DNAH10: variants seen among roughly 807,000 people sequenced by gnomAD.
DNAH10 encodes the protein dynein axonemal heavy chain 10, also known as axonemal beta dynein heavy chain 10.
DNAH10 carries 348 observed loss-of-function variants against 506.6 expected under a neutral mutation model. That is an observed-to-expected ratio of 0.69 (90% confidence interval 0.63 to 0.75). The LOEUF is 0.75. Among genes scored for constraint, DNAH10 ranks in the 30% least tolerant of loss-of-function variants. The pLI is 0.00. For synonymous variants in DNAH10, 2,059 were observed against 2,198.6 expected (o/e 0.94, Z 1.78); for missense variants, 5,179 against 5,787.1 (o/e 0.89, Z 3.41).
intron 52 of DNAH10, among the ~76,000 whole-genome samples, chr12:123,887,938 G>A (rs1302601163): frequency 6.6e-6 from 1 of 152,062 alleles, no homozygotes. Context: ...TAGAGACGGG[G>A]TTTCACCGTG....
intron 66 of DNAH10, 138 bp from the exon 67 acceptor site, chr12:123,924,140 G>C: frequency 8.2e-7 from 1 of 1,226,664 alleles, no homozygotes; most frequent in Non-Finnish European, 1.1e-6. Flanking sequence ...GGTGACGAGG[G>C]CAAGCCTGGG....
chr12:123,862,362 C>T (rs1164074424), intron 39 of DNAH10, among the ~76,000 whole-genome samples: 1 of 151,984 alleles, frequency 6.6e-6, no homozygotes, highest in Non-Finnish European at 1.5e-5. Flanking sequence ...TCTTCTTCTC[C>T]TCCTCCTCTT....
In DNAH10 at chr12:123,785,910, A is replaced by G. The variant is rs894747559; in HGVS notation, c.1395A>G (p.Arg465=). 1.2e-6 allele frequency: 2 copies of G among 1,613,398 alleles called. No individual in the cohort carries two copies. The highest frequency in any genetic ancestry group is 2.7e-5 in the African/African-American group (2 of 75,050). The change falls in exon 9 of 79, where the codon CGA becomes CGG. Residue 465 remains arginine (R), a synonymous_variant. Transcript: ENST00000673944. This position sits in a 1 kb window ranked among gnomAD's most constrained non-coding sequence, Gnocchi z 4.1. Reference sequence around the variant, plus strand: ...GGGAAATCGCTGAGAGAGTCTGCCGAGTGGTCAACCTGCGGACTTTGTTCA... The same window carrying G: ...GGGAAATCGCTGAGAGAGTCTGCCGGGTGGTCAACCTGCGGACTTTGTTCA... ...IAWEIAERVC[R]VVNLRTLFKE... is the part of the protein sequence containing the mutation.
intron 13 of DNAH10, among the ~76,000 whole-genome samples, chr12:123,797,837 A>C (rs1362384543): frequency 6.6e-6 from 1 of 152,128 alleles, no homozygotes; most frequent in African/African-American, 2.4e-5. Flanking sequence ...CCACCCATGG[A>C]TTTTTATATG....
intron 33 of DNAH10, 62 bp downstream of exon 33, chr12:123,848,157 G>A (rs1594184521): frequency 6.4e-7 from 1 of 1,554,164 alleles, no homozygotes; most frequent in East Asian, 2.3e-5. Flanking sequence ...AGCAGGACAT[G>A]GCATTTCACC....
rs1319851079 is a variant in DNAH10 at position 123,934,739 on chromosome 12, C to T, written c.13596C>T (p.Pro4532=). 3 of 1,613,912 alleles carry T rather than the reference C, an allele frequency of 1.9e-6. No individual in the cohort carries two copies. In the Admixed American group the frequency reaches 5.0e-5, roughly 27 times the overall value. ...ACCTGCCGATCCTGAAGATCATCCC[C>T]ATTGAAGCCCATCGCCTCAAGCTGC... The part of the protein sequence containing the change: ...VVDLPILKII[P]IEAHRLKLQN... Residue 4532 remains proline, a synonymous_variant, in exon 78 of 79, where the codon CCC becomes CCT. Transcript: ENST00000673944.
chr12:123,934,455 A>G, intron 77 of DNAH10, 166 bp from the exon 78 acceptor site: 1 of 833,962 alleles, frequency 1.2e-6, no homozygotes. Flanking sequence ...CACAGAGGGA[A>G]GGTGGGCAGG....
Position 123,790,003 on chromosome 12 carries a change from T to G in DNAH10, c.1697T>G (p.Val566Gly), listed in dbSNP as rs777060289. ...GGGGACCCCAAGCGCATTGATGATG[T>G]CCTATGCAGAGTGGACGGCCTAGTC... ...VTGDPKRIDD[V>G]LCRVDGLVTP... is the part of the protein sequence containing the mutation. Residue 566 changes from valine (V) to glycine (G), a missense_variant, in exon 11 of 79, where the codon GTC (valine) becomes GGC (glycine). Transcript: ENST00000673944. 1.2e-6 allele frequency: 2 copies of G among 1,614,148 alleles called. No individual in the cohort carries two copies. Among genetic ancestry groups the G allele is most frequent in the South Asian group, 2.2e-5 (2 of 91,076 alleles).
intron 24 of DNAH10, among the ~76,000 whole-genome samples, chr12:123,821,154 G>T (rs1959360249): frequency 6.6e-6 from 1 of 152,082 alleles, no homozygotes; most frequent in South Asian, 2.1e-4. Flanking sequence ...GGAGGCTGAG[G>T]CAGGAGAATC....
Position 123,813,366 on chromosome 12 carries a change from C to G in DNAH10, c.3347C>G (p.Pro1116Arg). The G allele has an allele frequency of 6.2e-7, 1 of 1,614,212 alleles. No homozygotes were observed. ...KYLQKWKRYRPLWKLDKAIVM... is the reference protein window; with the variant it reads ...KYLQKWKRYRRLWKLDKAIVM... ...CTACAAAAATGGAAGCGGTATCGAC[C>G]TCTCTGGAAATTGGACAAAGCTATT... The change falls in exon 20 of 79, where the codon CCT becomes CGT. Residue 1116 changes from proline (P) to arginine (R), a missense_variant. Physicochemically the swap from Pro to Arg is moderately radical, Grantham distance 103 (BLOSUM62 -2). Around this residue, in one of 3 missense-constraint regions of DNAH10, gnomAD observed 4,844 missense variants for 5,430.5 expected, o/e 0.89. Transcript: ENST00000673944.
chr12:123,780,626 T>A (rs1443732712), intron 5 of DNAH10, among the ~76,000 whole-genome samples: 1 of 151,722 alleles, frequency 6.6e-6, no homozygotes, highest in Non-Finnish European at 1.5e-5. Flanking sequence ...CCGGTTTGAG[T>A]GGTTTTCACT....
intron 51 of DNAH10, among the ~76,000 whole-genome samples, chr12:123,885,244 A>T (rs963598815): frequency 6.6e-6 from 1 of 152,216 alleles, no homozygotes; most frequent in Non-Finnish European, 1.5e-5. Context: ...CAATGGGTTA[A>T]AGTTATATGT....
At chr12:123,868,170 T>C (rs1951887817) in intron 43 of DNAH10, 51 bp downstream of exon 43, 7 of 1,488,810 alleles carry the variant, frequency 4.7e-6, no homozygotes, top group African/African-American at 1.4e-5. Context: ...TTTGGTTAAA[T>C]TTCTAGAGGA....
intron 26 of DNAH10, 62 bp from the exon 27 acceptor site, chr12:123,833,052 G>A: frequency 7.6e-7 from 1 of 1,309,274 alleles, no homozygotes; most frequent in Non-Finnish European, 1.1e-6. Flanking sequence ...AGGTGTTTTT[G>A]GGTTGGGGCT....
rs371675765 is a variant in DNAH10 at position 123,848,725 on chromosome 12, C to T, written c.5950-5C>T. On this transcript the variant is annotated splice_region_variant and splice_polypyrimidine_tract_variant and intron_variant, in intron 33 of 78. Transcript: ENST00000673944. ...GCCCTTGTCCTGACATGTCTTTCTT[C>T]CTAGGCCGTGGGGAAGATTTTCTCT... The T allele has an allele frequency of 3.1e-6, 5 of 1,613,764 alleles. No homozygotes were observed. The African/African-American group carries it at 4.0e-5, about 13-fold the overall frequency.
chr12:123,871,994 C>T lies in DNAH10; in HGVS notation c.7785+392C>T, dbSNP rs568908578. Among the ~76,000 whole-genome samples, 15 of 152,264 alleles carry T rather than the reference C, an allele frequency of 9.9e-5. No individual in the cohort carries two copies. The South Asian group carries it at 2.3e-3, about 23-fold the overall frequency. Reference sequence around the variant, plus strand: ...TGACCTGGCCTTGGAAGTCACATACCCTCCCTTCTGCCCTAATCTATGGGT... The same window carrying T: ...TGACCTGGCCTTGGAAGTCACATACTCTCCCTTCTGCCCTAATCTATGGGT... On this transcript the variant is annotated intron_variant, in intron 45 of 78. Coordinates refer to ENST00000673944, the MANE Select transcript of DNAH10 (RefSeq NM_001372106.1).
At chr12:123,793,341 CTTTTT>C (rs899753911) in intron 11 of DNAH10, among the ~76,000 whole-genome samples, 1 of 140,444 alleles carries the variant, frequency 7.1e-6, no homozygotes. Context: ...TAGTTACTGT[CTTTTT>C]TTTTTTTTTT....
intron 30 of DNAH10, among the ~76,000 whole-genome samples, chr12:123,843,663 C>T (rs1015301530): frequency 3.3e-5 from 5 of 152,150 alleles, no homozygotes; most frequent in Non-Finnish European, 5.9e-5. Flanking sequence ...CTACAACCTC[C>T]GCCTTCCAGG....
At chr12:123,804,772 C>T in intron 17 of DNAH10, 61 bp from the exon 18 acceptor site, 1 of 1,538,320 alleles carries the variant, frequency 6.5e-7, no homozygotes, top group Non-Finnish European at 8.9e-7. Context: ...TTTGGATTGC[C>T]TTTTGAGTGC....
Sources: gnomAD v4.1 joint callset for allele counts (sites outside exome capture counted in the v4.1 genomes callset) on GRCh38, gnomAD v4.1.1 for gene constraint, gnomAD v4.1.1 regional missense constraint, Gnocchi (gnomAD v3.1) non-coding constraint, MANE v1.5 for transcripts, NCBI Gene and HGNC (gene_info 2026-07-23, HGNC 2026-07-21) for gene names.